The following PUDP variants were observed in gnomAD, a reference collection of about 807,000 sequenced individuals.
PUDP encodes the protein pseudouridine 5'-phosphatase.
PUDP carries 8 observed loss-of-function variants against 9.4 expected under a neutral mutation model. The ratio of observed to expected loss-of-function variants is 0.85; its 90% CI spans 0.50 to 1.53. The LOEUF is 1.53. Ranked by LOEUF, PUDP falls within the 40% of genes most tolerant of loss-of-function variation. PUDP has a pLI of 0.00. For synonymous variants in PUDP, 99 were observed against 80.7 expected, an observed-to-expected ratio of 1.23 and a Z score of -1.22; for missense variants, 188 against 189.7, an observed-to-expected ratio of 0.99 and a Z score of 0.05.
chrX:6,728,168 C>A (rs1449127518), intron 3 of PUDP, among the ~76,000 whole-genome samples: 1 of 110,873 alleles, frequency 9.0e-6, no homozygotes, highest in Non-Finnish European at 1.9e-5. Flanking sequence ...CCTTATAAAA[C>A]CATCAGCTCT....
intron 3 of PUDP, among the ~76,000 whole-genome samples, chrX:6,748,846 T>C (rs1053928675): frequency 2.7e-5 from 3 of 112,080 alleles, no homozygotes; most frequent in Non-Finnish European, 3.8e-5. Flanking sequence ...ATGGATGTGC[T>C]AAAATTGGAA....
chrX:6,926,072 T>G (rs947370892), intron 3 of PUDP, among the ~76,000 whole-genome samples: 5 of 111,666 alleles, frequency 4.5e-5, no homozygotes, highest in African/African-American at 1.6e-4. Flanking sequence ...CCCCATCACA[T>G]CATGGCCGGG....
intron 1 of PUDP, among the ~76,000 whole-genome samples, chrX:7,041,399 G>GA (rs1234632376): frequency 1.8e-5 from 2 of 111,484 alleles, no homozygotes; most frequent in East Asian, 5.7e-4. Flanking sequence ...AAATTTAAGT[G>GA]AAAAAAACAT....
chrX:6,875,657 A>C (rs1927242280), intron 3 of PUDP, among the ~76,000 whole-genome samples: 1 of 111,636 alleles, frequency 9.0e-6, no homozygotes, highest in Non-Finnish European at 1.9e-5. Context: ...CCCTGGCATG[A>C]CCACTTTTCT....
At chrX:6,751,340 C>CT (rs1293642018) in intron 3 of PUDP, among the ~76,000 whole-genome samples, 1 of 111,273 alleles carries the variant, frequency 9.0e-6, no homozygotes, top group Non-Finnish European at 1.9e-5. Context: ...GATGGATTCC[C>CT]TTAGGTAACT....
chrX:7,050,597 C>G, intron 3 of PUDP, 125 bp from the exon 4 acceptor site: 1 of 621,086 alleles, frequency 1.6e-6, no homozygotes. Context: ...ACAGTGGGGG[C>G]TCCCCAGAGT....
At chrX:6,710,567 G>A (rs1924519942) in intron 1 of PUDP, among the ~76,000 whole-genome samples, 1 of 111,686 alleles carries the variant, frequency 9.0e-6, no homozygotes, top group Non-Finnish European at 1.9e-5. Context: ...GGCGTCAAAT[G>A]TTCAAGGAGC....
intron 3 of PUDP, among the ~76,000 whole-genome samples, chrX:6,783,950 T>C (rs759653757): frequency 1.2e-4 from 13 of 111,336 alleles, no homozygotes; most frequent in Non-Finnish European, 2.3e-4. Flanking sequence ...TGTGAGCAGA[T>C]TTATTCTTCT....
intron 1 of PUDP, among the ~76,000 whole-genome samples, chrX:7,031,103 G>A (rs1929787233): frequency 9.0e-6 from 1 of 111,134 alleles, no homozygotes; most frequent in Admixed American, 9.6e-5. Context: ...ATGACTAGAG[G>A]TCACTCTTGT....
chrX:6,875,695 G>A lies in PUDP; in HGVS notation c.*247+101438C>T, dbSNP rs150919328. Among the ~76,000 whole-genome samples the A allele has an allele frequency of 7.7e-3, 859 of 111,606 alleles. 7 individuals are homozygous for A. Among genetic ancestry groups the A allele is most frequent in the African/African-American group, 0.025 (770 of 30,758 alleles). On this transcript the variant is annotated intron_variant and NMD_transcript_variant, in intron 3 of 3. Transcript: ENST00000655425. ...CCATCTGCCTCAACTACTAATGCAG[G>A]TAGGTGTTAAGACAATGCCTGATTG...
chrX:7,111,731 G>T (rs1287751801), intron 1 of PUDP, among the ~76,000 whole-genome samples: 1 of 111,847 alleles, frequency 8.9e-6, no homozygotes, highest in Admixed American at 9.5e-5. Context: ...CTCTAAAATG[G>T]GATCCTAATG....
At chrX:6,939,621 T>C (rs1347919388) in intron 3 of PUDP, among the ~76,000 whole-genome samples, 1 of 110,155 alleles carries the variant, frequency 9.1e-6, no homozygotes, top group Admixed American at 9.8e-5. Flanking sequence ...TCCAGCACTT[T>C]GGTAGGCCAA....
chrX:7,094,033 TG>T (rs1291446812), intron 2 of PUDP, among the ~76,000 whole-genome samples: 1 of 110,995 alleles, frequency 9.0e-6, no homozygotes, highest in Non-Finnish European at 1.9e-5. Context: ...CGCTTGGGTT[TG>T]GGGGGATCAC....
At chrX:6,804,154 T>A (rs943766803) in intron 3 of PUDP, among the ~76,000 whole-genome samples, 2 of 111,014 alleles carry the variant, frequency 1.8e-5, no homozygotes, top group Non-Finnish European at 3.8e-5. Flanking sequence ...CAGAGAGAAA[T>A]GCACACACGC....
chrX:7,031,197 C>T (rs368055361), intron 1 of PUDP, among the ~76,000 whole-genome samples: 30 of 111,305 alleles, frequency 2.7e-4, no homozygotes, highest in East Asian at 1.4e-3. Context: ...TATCTTGTGC[C>T]GACCTCCTGT....
At chrX:6,927,697 G>A (rs185468866) in intron 3 of PUDP, among the ~76,000 whole-genome samples, 15 of 111,502 alleles carry the variant, frequency 1.3e-4, no homozygotes, top group Non-Finnish European at 1.9e-5. Context: ...TTAATTTAAC[G>A]CATATACACA....
rs1334063952 is a variant in PUDP, at chrX:7,063,322, A to G, written c.511-12850T>C. On this transcript the variant is annotated intron_variant, in intron 3 of 3. Transcript: ENST00000381077. Reference sequence around the variant, plus strand: ...GATTCATTTATCAGGAGTCATACTTAATAAAATGGAACAAAAACATCACAA... The same window carrying G: ...GATTCATTTATCAGGAGTCATACTTGATAAAATGGAACAAAAACATCACAA... Among the ~76,000 whole-genome samples the G allele has an allele frequency of 3.6e-5, 4 of 112,138 alleles. No individual in the cohort carries two copies. The Admixed American group carries it at 3.8e-4, about 11-fold the overall frequency.
chrX:6,883,046 C>G (rs1214604574), intron 3 of PUDP, among the ~76,000 whole-genome samples: 1 of 111,474 alleles, frequency 9.0e-6, no homozygotes, highest in Non-Finnish European at 1.9e-5. Flanking sequence ...AGAATAATAC[C>G]AATTTCACAG....
At chrX:6,842,146 C>T (rs1926682233) in intron 3 of PUDP, among the ~76,000 whole-genome samples, 1 of 111,873 alleles carries the variant, frequency 8.9e-6, no homozygotes, top group Admixed American at 9.5e-5. Context: ...TTGCTAAGAC[C>T]AATTTGGAGA....
Sources: gnomAD v4.1 joint callset for allele counts (sites outside exome capture counted in the v4.1 genomes callset) on GRCh38, gnomAD v4.1.1 for gene constraint, MANE v1.5 for transcripts, NCBI Gene and HGNC (gene_info 2026-07-23, HGNC 2026-07-21) for gene names.